HOMER1: variants seen among roughly 807,000 people sequenced by gnomAD.
HOMER1 encodes the protein homer scaffold protein 1.
HOMER1 carries 3 observed loss-of-function variants against 48.9 expected under a neutral mutation model. That is an observed-to-expected ratio of 0.06 (90% CI 0.03 to 0.16). HOMER1 has a LOEUF of 0.16. HOMER1 is among the 10% of genes least tolerant of loss of function. The pLI is 1.00. For synonymous variants in HOMER1, 134 were observed against 146.4 expected, an observed-to-expected ratio of 0.92 and a Z score of 0.61; for missense variants, 247 against 411.4, an observed-to-expected ratio of 0.60 and a Z score of 3.46.
At chr5:79,451,710 C>T (rs1419021217) in intron 2 of HOMER1, among the ~76,000 whole-genome samples, 4 of 151,494 alleles carry the variant, frequency 2.6e-5, no homozygotes, top group South Asian at 2.1e-4. Context: ...GGACTACAGG[C>T]GCCCACTACC....
intron 1 of HOMER1, among the ~76,000 whole-genome samples, chr5:79,467,630 A>G (rs1452500986): frequency 1.3e-5 from 2 of 152,214 alleles, no homozygotes; most frequent in Non-Finnish European, 2.9e-5. Context: ...GTGAAATTTG[A>G]AAAGTGGATA....
At chr5:79,438,678 C>G (rs148969903) in intron 5 of HOMER1, among the ~76,000 whole-genome samples, 5 of 152,184 alleles carry the variant, frequency 3.3e-5, no homozygotes, top group African/African-American at 1.2e-4. Flanking sequence ...ATAAAGGAGG[C>G]CTTTTAGAGG....
intron 5 of HOMER1, among the ~76,000 whole-genome samples, chr5:79,424,130 T>C (rs1750178399): frequency 6.6e-6 from 1 of 152,120 alleles, no homozygotes; most frequent in South Asian, 2.1e-4. Flanking sequence ...AATTCTGTTA[T>C]ATTTCTTCCT....
In HOMER1 at chr5:79,421,958, G is replaced by A. The variant is rs943618869; in HGVS notation, c.527+17052C>T. ...AAAATCAACATAGGCCGGATGCAGT[G>A]GCTCACACCTCTAATCCCAGCACTT... On this transcript the variant is annotated intron_variant, in intron 5 of 8. Transcript: ENST00000334082. 2.6e-5 allele frequency among the ~76,000 whole-genome samples: 4 copies of A among 152,076 alleles called. No individual in the cohort carries two copies. The East Asian group carries it at 5.8e-4, about 22-fold the overall frequency.
intron 1 of HOMER1, among the ~76,000 whole-genome samples, chr5:79,508,978 T>C (rs1389179875): frequency 6.6e-6 from 1 of 152,242 alleles, no homozygotes; most frequent in African/African-American, 2.4e-5. Context: ...GCATCTAAGT[T>C]GTCTATTGTC....
At chr5:79,452,461 T>C (rs1220596298) in intron 2 of HOMER1, among the ~76,000 whole-genome samples, 2 of 152,218 alleles carry the variant, frequency 1.3e-5, no homozygotes, top group African/African-American at 4.8e-5. Flanking sequence ...GTGATTCCAA[T>C]AGTAATAGAC....
chr5:79,398,230 A>C (rs551010008), intron 6 of HOMER1, among the ~76,000 whole-genome samples: 1 of 152,180 alleles, frequency 6.6e-6, no homozygotes, highest in East Asian at 1.9e-4. Context: ...GTATTTTTTG[A>C]GAGAACAGAG....
At chr5:79,379,079 CATATATATATATATATATATAT>C (rs3082000) in intron 8 of HOMER1, among the ~76,000 whole-genome samples, 2 of 55,214 alleles carry the variant, frequency 3.6e-5, no homozygotes, top group Non-Finnish European at 7.9e-5. Context: ...ACCTTTTGTC[CATATATATATATATATATATAT>C]ATATATATAT....
chr5:79,377,956 A>G (rs1469166160), intron 8 of HOMER1, among the ~76,000 whole-genome samples: 1 of 152,164 alleles, frequency 6.6e-6, no homozygotes, highest in Admixed American at 6.5e-5. Flanking sequence ...TAATTAGGGC[A>G]AGGCTCACGC....
chr5:79,466,294 T>C (rs1327697972), intron 1 of HOMER1, among the ~76,000 whole-genome samples: 3 of 151,948 alleles, frequency 2.0e-5, no homozygotes, highest in African/African-American at 4.8e-5. Flanking sequence ...GACAGGCAGA[T>C]TGCCTGAGCC....
chr5:79,461,924 C>T (rs927240415), intron 1 of HOMER1, among the ~76,000 whole-genome samples: 1 of 152,154 alleles, frequency 6.6e-6, no homozygotes, highest in Non-Finnish European at 1.5e-5. Context: ...CCATGCCGGG[C>T]GCAGTGGCTC....
In HOMER1 at chr5:79,500,957, C is replaced by CTGTG. The variant is rs1561389056; in HGVS notation, c.5+11812_5+11813insCACA. Among the ~76,000 whole-genome samples the CTGTG allele has an allele frequency of 1.9e-4, 12 of 62,642 alleles. No individual in the cohort carries two copies. In the Admixed American group the frequency reaches 2.1e-3, roughly 11 times the overall value. 41.1% of individuals were successfully genotyped at this position (62,642 alleles called of 152,430 possible). A position where few individuals can be genotyped will look rare whatever the true frequency, so the allele number is the denominator to read the frequency against. The stretch of plus-strand genomic sequence containing the variant: ...TGTGTGTGTGTGTGTGTGTGTGAGA[C>CTGTG]AGACAGACACACACACACACACACA... On this transcript the variant is annotated intron_variant, in intron 1 of 8. Transcript: ENST00000334082.
At chr5:79,453,779 C>A (rs544576836) in intron 2 of HOMER1, among the ~76,000 whole-genome samples, 1 of 151,986 alleles carries the variant, frequency 6.6e-6, no homozygotes, top group African/African-American at 2.4e-5. Context: ...TAAGTGAGAA[C>A]GAGTGCACAT....
chr5:79,425,529 T>C (rs1750222767), intron 5 of HOMER1, among the ~76,000 whole-genome samples: 1 of 152,086 alleles, frequency 6.6e-6, no homozygotes, highest in Non-Finnish European at 1.5e-5. Flanking sequence ...GCTGAACATC[T>C]AGTAGATCAC....
chr5:79,427,869 T>C (rs1238556396), intron 5 of HOMER1, among the ~76,000 whole-genome samples: 1 of 152,074 alleles, frequency 6.6e-6, no homozygotes, highest in Non-Finnish European at 1.5e-5. Context: ...TATTATTTTC[T>C]TTCAATTAGA....
chr5:79,393,601 G>A (rs1483936517), intron 8 of HOMER1, among the ~76,000 whole-genome samples: 11 of 152,074 alleles, frequency 7.2e-5, no homozygotes. Context: ...ATATCCAGTG[G>A]GTACCCTGCT....
rs1750460234 is a variant in HOMER1, at chr5:79,432,799, T to C, written c.527+6211A>G. Among the ~76,000 whole-genome samples, 4 of 152,254 alleles carry C rather than the reference T, an allele frequency of 2.6e-5. No individual in the cohort carries two copies. The South Asian group carries it at 6.2e-4, about 24-fold the overall frequency. On this transcript the variant is annotated intron_variant, in intron 5 of 8. Transcript: ENST00000334082. ...ATGCAGAACAATGTACATGACCAAATTACTACCGTACTTCTTGTAAAATAC... is the reference window on the plus strand; with the variant it reads ...ATGCAGAACAATGTACATGACCAAACTACTACCGTACTTCTTGTAAAATAC...
intron 1 of HOMER1, among the ~76,000 whole-genome samples, chr5:79,471,737 C>T (rs1339108201): frequency 6.6e-6 from 1 of 152,098 alleles, no homozygotes; most frequent in Non-Finnish European, 1.5e-5. Flanking sequence ...AACTAGAGGA[C>T]ACAATCCCCT....
intron 8 of HOMER1, among the ~76,000 whole-genome samples, chr5:79,394,171 A>G (rs994963607): frequency 6.6e-6 from 1 of 152,186 alleles, no homozygotes; most frequent in Non-Finnish European, 1.5e-5. Flanking sequence ...TAATTTACCA[A>G]TAACTATACA....
Sources: gnomAD v4.1 joint callset for allele counts (sites outside exome capture counted in the v4.1 genomes callset) on GRCh38, gnomAD v4.1.1 for gene constraint, MANE v1.5 for transcripts, NCBI Gene and HGNC (gene_info 2026-07-23, HGNC 2026-07-21) for gene names.